CACNB2: variants seen among roughly 807,000 people sequenced by gnomAD.
CACNB2 encodes calcium voltage-gated channel auxiliary subunit beta 2.
Under a neutral mutation model 73.3 loss-of-function variants are expected in CACNB2, and 42 were observed. The observed-to-expected ratio is 0.57, with a 90% CI of 0.45 to 0.74. CACNB2 has a LOEUF of 0.74. Among genes scored for constraint, CACNB2 ranks in the 30% least tolerant of loss-of-function variants. CACNB2 has a pLI of 0.00. For missense variants in CACNB2, 940 were observed against 853.0 expected, an observed-to-expected ratio of 1.10 and a Z score of -1.27; for synonymous variants, 348 against 310.3, an observed-to-expected ratio of 1.12 and a Z score of -1.28.
At chr10:18,183,457 A>G (rs940072823) in intron 2 of CACNB2, among the ~76,000 whole-genome samples, 45 of 152,294 alleles carry the variant, frequency 3.0e-4, no homozygotes, top group African/African-American at 1.0e-3. Context: ...TTTATAAAGG[A>G]AAGAGGTTTA....
At chr10:18,504,738 C>T (rs539143760) in intron 5 of CACNB2, among the ~76,000 whole-genome samples, 4 of 152,140 alleles carry the variant, frequency 2.6e-5, no homozygotes, top group South Asian at 2.1e-4. Context: ...TCCGCCTCCC[C>T]GGTTCAAGCG....
chr10:18,420,179 C>T (rs1482988557), intron 3 of CACNB2, among the ~76,000 whole-genome samples: 3 of 152,156 alleles, frequency 2.0e-5, no homozygotes, highest in Non-Finnish European at 4.4e-5. Context: ...TGTTTCATCT[C>T]AGCCTAATAC....
At chr10:18,450,291 A>T (rs1040718513) in intron 3 of CACNB2, among the ~76,000 whole-genome samples, 2 of 152,224 alleles carry the variant, frequency 1.3e-5, no homozygotes, top group Non-Finnish European at 2.9e-5. Context: ...GCCTACAGGC[A>T]TGCATTAAGT....
chr10:18,333,735 C>T (rs564623170), intron 2 of CACNB2, among the ~76,000 whole-genome samples: 178 of 152,286 alleles, frequency 1.2e-3, no homozygotes, highest in African/African-American at 4.0e-3. Context: ...TCAAAGATGA[C>T]ACTGTTGAGG....
chr10:18,356,896 C>T (rs1038890851), intron 2 of CACNB2, among the ~76,000 whole-genome samples: 1 of 146,852 alleles, frequency 6.8e-6, no homozygotes, highest in Non-Finnish European at 1.5e-5. Context: ...TCCCAAAGTG[C>T]TGGGATTACA....
chr10:18,293,963 G>C (rs532815676), intron 2 of CACNB2, among the ~76,000 whole-genome samples: 1 of 152,222 alleles, frequency 6.6e-6, no homozygotes, highest in African/African-American at 2.4e-5. Flanking sequence ...TGCATTTTTT[G>C]GCTATGTGAA....
chr10:18,356,967 C>T (rs1291369136), intron 2 of CACNB2, among the ~76,000 whole-genome samples: 36 of 29,186 alleles, frequency 1.2e-3, no homozygotes, highest in Non-Finnish European at 2.7e-3. Flanking sequence ...TTTTTTGAGA[C>T]GGAGTTTCGC....
At chr10:18,482,217 G>A (rs1287551198) in intron 3 of CACNB2, among the ~76,000 whole-genome samples, 1 of 152,126 alleles carries the variant, frequency 6.6e-6, no homozygotes, top group East Asian at 1.9e-4. Flanking sequence ...GAGACTAACT[G>A]AGATATATTT....
intron 3 of CACNB2, among the ~76,000 whole-genome samples, chr10:18,435,721 A>G (rs2046099858): frequency 6.6e-6 from 1 of 152,092 alleles, no homozygotes. Flanking sequence ...GCTGGTCTCA[A>G]ACTCCCAGGC....
chr10:18,482,841 TTAC>T (rs2048856418), intron 3 of CACNB2, among the ~76,000 whole-genome samples: 1 of 152,042 alleles, frequency 6.6e-6, no homozygotes, highest in Admixed American at 6.6e-5. Context: ...ACCTTTAGAG[TTAC>T]TACATGTTAT....
chr10:18,246,469 G>T (rs1017463280), intron 2 of CACNB2, among the ~76,000 whole-genome samples: 6 of 152,090 alleles, frequency 3.9e-5, no homozygotes, highest in African/African-American at 1.2e-4. Context: ...GTAAAGATAG[G>T]CTCTGTGTAT....
At chr10:18,357,283 A>C (rs1959710046) in intron 2 of CACNB2, among the ~76,000 whole-genome samples, 1 of 152,108 alleles carries the variant, frequency 6.6e-6, no homozygotes, top group Admixed American at 6.5e-5. Context: ...CTCGTCCTTT[A>C]TCATCCTGAA....
At chr10:18,524,586 C>T (rs1445330348) in intron 9 of CACNB2, among the ~76,000 whole-genome samples, 9 of 145,418 alleles carry the variant, frequency 6.2e-5, no homozygotes, top group Admixed American at 1.4e-4. Context: ...ACCCAGGAGG[C>T]GGAGATTGCA....
chr10:18,404,571 G>A (rs142870793), intron 3 of CACNB2, among the ~76,000 whole-genome samples: 221 of 152,232 alleles, frequency 1.5e-3, no homozygotes, highest in African/African-American at 4.9e-3. Context: ...AACCATCGAA[G>A]CATCTCTCAA....
At chr10:18,337,538 CATTT>C (rs2041056719) in intron 2 of CACNB2, among the ~76,000 whole-genome samples, 2 of 152,128 alleles carry the variant, frequency 1.3e-5, no homozygotes. Flanking sequence ...TAACTTTAGA[CATTT>C]ATTTATTATA....
intron 2 of CACNB2, among the ~76,000 whole-genome samples, chr10:18,382,602 A>G (rs2043065258): frequency 6.6e-6 from 1 of 151,894 alleles, no homozygotes; most frequent in African/African-American, 2.4e-5. Flanking sequence ...GTGTGTTCTC[A>G]TTGTTCGGCT....
chr10:18,463,079 A>G (rs915996023), intron 3 of CACNB2, among the ~76,000 whole-genome samples: 4 of 152,086 alleles, frequency 2.6e-5, no homozygotes, highest in African/African-American at 9.7e-5. Flanking sequence ...TATTGACCTC[A>G]CTTCATGCTC....
intron 3 of CACNB2, among the ~76,000 whole-genome samples, chr10:18,492,614 C>G (rs1460167713): frequency 1.2e-5 from 1 of 84,062 alleles, no homozygotes; most frequent in African/African-American, 5.5e-5. Flanking sequence ...GAGCAAGACT[C>G]TGTCTCAAAA....
chr10:18,465,901 G>T (rs1006417378), intron 3 of CACNB2, among the ~76,000 whole-genome samples: 3 of 151,970 alleles, frequency 2.0e-5, no homozygotes, highest in Non-Finnish European at 2.9e-5. Flanking sequence ...GGCTGCTCTC[G>T]AACTCCTGAC....
Sources: allele counts gnomAD v4.1 joint callset (sites outside exome capture counted in the v4.1 genomes callset), GRCh38; gene constraint gnomAD v4.1.1; transcripts MANE v1.5; gene names NCBI Gene and HGNC (gene_info 2026-07-23, HGNC 2026-07-21).